Variants in TCF12 observed in about 807,000 individuals in gnomAD.
TCF12 encodes the protein transcription factor 12.
TCF12 carries 45 observed loss-of-function variants against 86.0 expected under a neutral mutation model. The observed-to-expected ratio is 0.52, with a 90% CI of 0.41 to 0.67. The LOEUF is 0.67. TCF12 is among the 30% of genes least tolerant of loss of function. The pLI, the probability that TCF12 is intolerant of heterozygous loss-of-function variation, is 0.00. For synonymous variants in TCF12, 330 were observed against 299.6 expected (o/e 1.10, Z -1.05); for missense variants, 881 against 859.9 (o/e 1.02, Z -0.31).
intron 5 of TCF12, among the ~76,000 whole-genome samples, chr15:57,100,433 T>C (rs1412314507): frequency 6.6e-6 from 1 of 151,474 alleles, no homozygotes; most frequent in East Asian, 1.9e-4. Flanking sequence ...CTTTTTTTTT[T>C]TTTTTTTTTA....
At chr15:57,045,501 A>T (rs1395933413) in intron 3 of TCF12, among the ~76,000 whole-genome samples, 2 of 152,006 alleles carry the variant, frequency 1.3e-5, no homozygotes, top group African/African-American at 4.8e-5. Flanking sequence ...TTGCTATAAT[A>T]AGTCATTCAT....
chr15:57,109,668 G>T (rs1275743530), intron 5 of TCF12, among the ~76,000 whole-genome samples: 1 of 152,126 alleles, frequency 6.6e-6, no homozygotes, highest in Non-Finnish European at 1.5e-5. Flanking sequence ...TTTTTGTTGA[G>T]ATGGATACTA....
At chr15:56,994,630 A>G (rs1472643922) in intron 3 of TCF12, among the ~76,000 whole-genome samples, 7 of 152,124 alleles carry the variant, frequency 4.6e-5, no homozygotes, top group Non-Finnish European at 7.4e-5. Context: ...TTCAGATTTT[A>G]CATCAGAAAC....
intron 8 of TCF12, among the ~76,000 whole-genome samples, chr15:57,221,226 T>C (rs1406313144): frequency 5.3e-5 from 8 of 152,206 alleles, no homozygotes; most frequent in Admixed American, 3.9e-4. Flanking sequence ...TAAGCAGAGC[T>C]TTGGATAATG....
At chr15:57,226,508 A>G (rs1412730531) in intron 8 of TCF12, among the ~76,000 whole-genome samples, 1 of 152,144 alleles carries the variant, frequency 6.6e-6, no homozygotes, top group East Asian at 1.9e-4. Flanking sequence ...TACTGAACAT[A>G]TGGGAACTTA....
At chr15:57,223,113 T>A (rs1426240743) in intron 8 of TCF12, among the ~76,000 whole-genome samples, 2 of 152,038 alleles carry the variant, frequency 1.3e-5, no homozygotes, top group African/African-American at 4.8e-5. Context: ...TTTATCTGAT[T>A]TAATTTTCAC....
chr15:57,223,324 A>T (rs753905382), intron 8 of TCF12, among the ~76,000 whole-genome samples: 1 of 151,994 alleles, frequency 6.6e-6, no homozygotes, highest in Non-Finnish European at 1.5e-5. Flanking sequence ...TATCCTGACT[A>T]CCCATTTACA....
At chr15:57,113,157 C>G (rs910912790) in intron 5 of TCF12, among the ~76,000 whole-genome samples, 2 of 152,142 alleles carry the variant, frequency 1.3e-5, no homozygotes, top group African/African-American at 4.8e-5. Context: ...ACACTCTGGC[C>G]ATATCCCCGT....
chr15:57,127,269 C>G (rs145051146), intron 5 of TCF12, among the ~76,000 whole-genome samples: 1 of 152,094 alleles, frequency 6.6e-6, no homozygotes, highest in African/African-American at 2.4e-5. Context: ...AGGTGTGAGC[C>G]ACCTTGCCTG....
At chr15:57,177,434 T>C (rs1363029015) in intron 6 of TCF12, among the ~76,000 whole-genome samples, 1 of 151,858 alleles carries the variant, frequency 6.6e-6, no homozygotes, top group African/African-American at 2.4e-5. Context: ...CACACCCAGA[T>C]AACTTTTTGT....
intron 3 of TCF12, among the ~76,000 whole-genome samples, chr15:56,972,238 G>A (rs1327350889): frequency 6.6e-6 from 1 of 152,196 alleles, no homozygotes; most frequent in Non-Finnish European, 1.5e-5. Flanking sequence ...AACTTCGGCA[G>A]CATCTAACAG....
At chr15:57,220,739 A>G (rs558870442) in intron 8 of TCF12, among the ~76,000 whole-genome samples, 100 of 152,224 alleles carry the variant, frequency 6.6e-4, no homozygotes, top group African/African-American at 2.3e-3. Context: ...AATAGGAGCT[A>G]TCTTTGTAAG....
chr15:57,006,430 G>A (rs756687901), intron 3 of TCF12, among the ~76,000 whole-genome samples: 214 of 151,792 alleles, frequency 1.4e-3, no homozygotes, highest in Non-Finnish European at 2.4e-3. Flanking sequence ...TCAGCCTCCC[G>A]AGTAGCTGGG....
chr15:57,276,989 A>G, intron 19 of TCF12, among the ~76,000 whole-genome samples: 1 of 151,864 alleles, frequency 6.6e-6, no homozygotes, highest in Non-Finnish European at 1.5e-5. Context: ...TATTTTTAGT[A>G]GAGACAGAGT....
At chr15:57,107,311 G>A (rs2733324) in intron 5 of TCF12, among the ~76,000 whole-genome samples, 145,450 of 152,208 alleles carry the variant, frequency 0.96, 69,734 homozygotes, top group East Asian at 1. Flanking sequence ...GCAGATTACT[G>A]TGTGAAACAA....
At chr15:57,040,404 G>C (rs1361812113) in intron 3 of TCF12, among the ~76,000 whole-genome samples, 1 of 152,178 alleles carries the variant, frequency 6.6e-6, no homozygotes, top group African/African-American at 2.4e-5. Flanking sequence ...AGTATCGGAA[G>C]AAAGCTCTTT....
chr15:57,111,353 G>A (rs758987813), intron 5 of TCF12, among the ~76,000 whole-genome samples: 1 of 152,082 alleles, frequency 6.6e-6, no homozygotes, highest in Non-Finnish European at 1.5e-5. Context: ...TGTGGGTAGG[G>A]ACAATTCCTT....
chr15:57,085,377 C>T (rs1228350769), intron 4 of TCF12, among the ~76,000 whole-genome samples: 6 of 152,104 alleles, frequency 3.9e-5, no homozygotes, highest in East Asian at 3.8e-4. Context: ...TAGCTGTTTC[C>T]GATGTAGACC....
At chr15:57,120,608 A>G (rs1384598634) in intron 5 of TCF12, among the ~76,000 whole-genome samples, 2 of 152,092 alleles carry the variant, frequency 1.3e-5, no homozygotes, top group African/African-American at 2.4e-5. Context: ...TTATCAGCAT[A>G]TTTTATTTAT....
Sources: allele counts gnomAD v4.1 joint callset (sites outside exome capture counted in the v4.1 genomes callset), GRCh38; gene constraint gnomAD v4.1.1; transcripts MANE v1.5; gene names NCBI Gene and HGNC (gene_info 2026-07-23, HGNC 2026-07-21).